DRC4: variants seen among roughly 807,000 people sequenced by gnomAD.
DRC4 encodes GAS-11.
the DRC4 span, chr16:90,029,873 C>G: frequency 6.2e-6 from 1 of 160,196 alleles, no homozygotes; most frequent in Admixed American, 6.3e-5. Context: ...CCTGCTGCTT[C>G]AGGCTGCCCA....
the DRC4 span, chr16:90,022,581 G>T: frequency 1.0e-6 from 1 of 995,566 alleles, no homozygotes; most frequent in Non-Finnish European, 1.3e-6. Context: ...TCCCGCCTTT[G>T]GCAGGGCCGC....
At chr16:90,033,024 ATTTCTGCATAAGAC>A in the DRC4 span, 2 of 1,119,708 alleles carry the variant, frequency 1.8e-6, no homozygotes, top group Non-Finnish European at 2.6e-6. Context: ...GGGAATTCAT[ATTTCTGCATAAGAC>A]TTTCTGCATT....
the DRC4 span, chr16:90,031,261 C>G: frequency 6.2e-7 from 1 of 1,609,198 alleles, no homozygotes; most frequent in East Asian, 2.2e-5. Flanking sequence ...GCATGGGCCC[C>G]TGCTCAGTGC....
chr16:90,029,134 G>GAGCCTACGGGGC, the DRC4 span: 136 of 1,237,798 alleles, frequency 1.1e-4, no homozygotes, highest in Non-Finnish European at 1.2e-4. Flanking sequence ...AGTGGCCATG[G>GAGCCTACGGGGC]AGCCTACGGG....
chr16:90,034,027 C>T, the DRC4 span, among the ~76,000 whole-genome samples: 61 of 152,014 alleles, frequency 4.0e-4, no homozygotes, highest in Non-Finnish European at 7.4e-4. Flanking sequence ...CCTCGAAAGC[C>T]GTGGTGGGGA....
the DRC4 span, chr16:90,043,913 T>C: frequency 6.7e-6 from 3 of 444,742 alleles, no homozygotes; most frequent in Admixed American, 5.1e-5. Context: ...CAGTCTTCGC[T>C]CTAACTCCCT....
chr16:90,021,121 C>T, the DRC4 span, among the ~76,000 whole-genome samples: 3 of 152,344 alleles, frequency 2.0e-5, no homozygotes, highest in Admixed American at 6.5e-5. Flanking sequence ...CAAGCTGAGC[C>T]AATGCAGTTC....
chr16:90,031,445 C>T, the DRC4 span: 1 of 1,605,582 alleles, frequency 6.2e-7, no homozygotes, highest in Non-Finnish European at 8.5e-7. Context: ...AGCTGCGGAA[C>T]AAAGACCGGG....
chr16:90,032,956 A>G, the DRC4 span: 1 of 1,594,230 alleles, frequency 6.3e-7, no homozygotes, highest in Non-Finnish European at 8.6e-7. Flanking sequence ...GGAGGCTGAC[A>G]GGTTGTTGGG....
At chr16:90,043,839 C>G in the DRC4 span, 4 of 467,054 alleles carry the variant, frequency 8.6e-6, no homozygotes, top group Non-Finnish European at 1.8e-5. Context: ...GCACAAAGCC[C>G]GCTCTGTTGA....
the DRC4 span, among the ~76,000 whole-genome samples, chr16:90,031,708 G>C: frequency 7.9e-5 from 12 of 152,306 alleles, no homozygotes; most frequent in East Asian, 1.5e-3. Context: ...ATGGGCTCTG[G>C]GGGCAGACTG....
At chr16:90,019,962 TA>T in the DRC4 span, 1 of 694,070 alleles carries the variant, frequency 1.4e-6, no homozygotes, top group Non-Finnish European at 2.6e-6. This position sits in a 1 kb window ranked among gnomAD's most constrained non-coding sequence, Gnocchi z 6.1. Context: ...GGATGGGAGG[TA>T]AGGAGAGGGC....
chr16:90,025,748 G>A, the DRC4 span, among the ~76,000 whole-genome samples: 3 of 151,090 alleles, frequency 2.0e-5, no homozygotes, highest in South Asian at 2.1e-4. Context: ...TTAGCCAGGC[G>A]TGGTGGCGGG....
chr16:90,043,350 C>A, the DRC4 span: 1 of 1,604,472 alleles, frequency 6.2e-7, no homozygotes, highest in Non-Finnish European at 8.5e-7. Context: ...ACGTAGCTGC[C>A]CCCCTGGGGG....
chr16:90,036,731 T>G, the DRC4 span: 1 of 772,126 alleles, frequency 1.3e-6, no homozygotes, highest in South Asian at 1.5e-5. Context: ...CCCTCTCATA[T>G]CCTTAACTGA....
chr16:90,034,642 C>T, the DRC4 span, among the ~76,000 whole-genome samples: 1 of 151,820 alleles, frequency 6.6e-6, no homozygotes, highest in African/African-American at 2.4e-5. Context: ...AAAATTACTG[C>T]TTTAAAAATA....
chr16:90,040,535 C>G, the DRC4 span: 3 of 1,556,484 alleles, frequency 1.9e-6, no homozygotes, highest in Non-Finnish European at 2.6e-6. Context: ...GCTCCTGACC[C>G]CAGTGGGCGG....
the DRC4 span, chr16:90,043,781 G>C: frequency 3.2e-4 from 149 of 471,896 alleles, no homozygotes; most frequent in African/African-American, 2.6e-3. Context: ...GGATTCTCCA[G>C]GGGGCCGGGA....
At chr16:90,022,766 C>G in the DRC4 span, 1 of 1,339,880 alleles carries the variant, frequency 7.5e-7, no homozygotes, top group Non-Finnish European at 9.6e-7. Context: ...TCGGCAGGGG[C>G]CCGGAGACCT....
Sources: allele counts gnomAD v4.1 joint callset (sites outside exome capture counted in the v4.1 genomes callset), GRCh38; gene constraint gnomAD v4.1.1; non-coding constraint Gnocchi (gnomAD v3.1); transcripts MANE v1.5; gene names NCBI Gene and HGNC (gene_info 2026-07-23, HGNC 2026-07-21).